Variants in ADAM22 observed in about 807,000 individuals in gnomAD.
ADAM22 encodes disintegrin and metalloproteinase domain-containing protein 22.
A neutral mutation model predicts 144.6 loss-of-function variants in ADAM22; 65 were observed. The ratio of observed to expected loss-of-function variants is 0.45; its 90% CI spans 0.37 to 0.55. The LOEUF is 0.55. ADAM22 is among the 20% of genes least tolerant of loss of function. The probability of loss-of-function intolerance (pLI) is 0.00; values close to 1 mark genes in which losing one functional copy is unlikely to be tolerated. For missense variants in ADAM22, 974 were observed against 1,184.9 expected, an observed-to-expected ratio of 0.82 and a Z score of 2.61; for synonymous variants, 391 against 412.6, an observed-to-expected ratio of 0.95 and a Z score of 0.63.
Position 87,934,564 on chromosome 7 carries a change from C to T in ADAM22, c.85+14C>T, listed in dbSNP as rs756394824. The stretch of plus-strand genomic sequence containing the variant: ...GCGGCCAGGCAGGTAAGTTAGCCGT[C>T]CTCTGTGCCTTTGGGCCATACCATT... On this transcript the variant is annotated intron_variant, in intron 1 of 31. Coordinates refer to ENST00000413139, the MANE Select transcript of ADAM22 (RefSeq NM_001324418.2). 1.9e-6 allele frequency: 3 copies of T among 1,602,204 alleles called. No individual in the cohort carries two copies. Among genetic ancestry groups the T allele is most frequent in the African/African-American group, 1.3e-5 (1 of 74,838 alleles).
Position 88,165,971 on chromosome 7 carries a change from A to T in ADAM22, c.2191+25A>T, listed in dbSNP as rs564828035. The stretch of plus-strand genomic sequence containing the variant: ...GGTAAGTACTTAATTTGGTAACATT[A>T]TGTAGTCTTTATACACAAAGAGAAA... On this transcript the variant is annotated intron_variant, in intron 24 of 31. Transcript: ENST00000413139. 8.4e-6 allele frequency: 13 copies of T among 1,551,588 alleles called. No individual in the cohort carries two copies. The South Asian group carries it at 1.5e-4, about 18-fold the overall frequency.
At chr7:88,111,824 T>C (rs1447937494) in intron 5 of ADAM22, among the ~76,000 whole-genome samples, 2 of 152,192 alleles carry the variant, frequency 1.3e-5, no homozygotes, top group African/African-American at 2.4e-5. Context: ...GAATTAATAA[T>C]GGCATATTAT....
At chr7:88,078,510 G>A (rs1359238548) in intron 4 of ADAM22, among the ~76,000 whole-genome samples, 2 of 152,252 alleles carry the variant, frequency 1.3e-5, no homozygotes, top group African/African-American at 4.8e-5. Context: ...TGACTTTGAC[G>A]AGTTGAGAGA....
In ADAM22 at chr7:88,061,825, T is replaced by TTC. The variant is rs1280406569; in HGVS notation, c.324-13787_324-13786dup. Among the ~76,000 whole-genome samples the TTC allele has an allele frequency of 9.7e-4, 146 of 149,980 alleles. 2 individuals carry two copies. Among genetic ancestry groups the TTC allele is most frequent in the South Asian group, 6.3e-3 (30 of 4,728 alleles). On this transcript the variant is annotated intron_variant, in intron 3 of 31. Transcript: ENST00000413139. ...ACAAAAGAGTCAGCCTTCTCTTTCT[T>TTC]TCTCTCTCTCTCTCTTTTTTTTTTT...
At chr7:87,990,343 A>G (rs764011680) in intron 3 of ADAM22, among the ~76,000 whole-genome samples, 18 of 152,232 alleles carry the variant, frequency 1.2e-4, no homozygotes, top group Non-Finnish European at 2.5e-4. Context: ...ACCTTTGCTC[A>G]TTTTATGTTT....
intron 30 of ADAM22, 118 bp downstream of exon 30, chr7:88,186,819 G>T: frequency 9.4e-6 from 6 of 640,450 alleles, no homozygotes; most frequent in South Asian, 8.1e-5. Flanking sequence ...GGTGGAAAGG[G>T]GTCCTTGTTT....
chr7:88,028,639 T>C (rs1382409813), intron 3 of ADAM22, among the ~76,000 whole-genome samples: 3 of 152,102 alleles, frequency 2.0e-5, no homozygotes, highest in Non-Finnish European at 4.4e-5. Flanking sequence ...CTAATATATA[T>C]TTCTTAATAT....
intron 8 of ADAM22, among the ~76,000 whole-genome samples, chr7:88,127,096 G>GTATA (rs3831544): frequency 4.7e-5 from 7 of 149,536 alleles, no homozygotes; most frequent in Non-Finnish European, 1.0e-4. Context: ...ATATGTGTGT[G>GTATA]TATATATATA....
Position 88,019,184 on chromosome 7 carries a change from G to A in ADAM22, c.323+40772G>A, listed in dbSNP as rs373323497. On this transcript the variant is annotated intron_variant, in intron 3 of 31. Transcript: ENST00000413139. The stretch of plus-strand genomic sequence containing the variant: ...ATCCATTAGCCCTTCTGAAAATTTA[G>A]CATGCTAGGCCAGGTGTCATGGCTC... Among the ~76,000 whole-genome samples, 4 of 152,186 alleles carry A rather than the reference G, an allele frequency of 2.6e-5. No individual in the cohort carries two copies. The East Asian group carries it at 7.7e-4, about 29-fold the overall frequency.
At position 88,072,881 on chromosome 7, in the gene ADAM22, G is replaced by T. The variant is rs181094796; in HGVS notation, c.324-2745G>T. 7.9e-5 allele frequency among the ~76,000 whole-genome samples: 12 copies of T among 152,274 alleles called. No homozygotes were observed. The East Asian group carries it at 2.1e-3, about 27-fold the overall frequency. On this transcript the variant is annotated intron_variant, in intron 3 of 31. Coordinates refer to ENST00000413139, the MANE Select transcript of ADAM22 (RefSeq NM_001324418.2). The stretch of plus-strand genomic sequence containing the variant: ...TATCTCTCCTGTTTTGGGTAAACAG[G>T]GTGTGATGTGGATGCTGGAGCAATT...
intron 2 of ADAM22, among the ~76,000 whole-genome samples, chr7:87,948,180 A>G (rs1844181868): frequency 1.3e-5 from 2 of 151,082 alleles, no homozygotes; most frequent in Non-Finnish European, 3.0e-5. Flanking sequence ...ATTTCCCCCC[A>G]CTCTATTTCT....
chr7:88,098,624 A>G (rs1437531101), intron 4 of ADAM22, among the ~76,000 whole-genome samples: 5 of 152,056 alleles, frequency 3.3e-5, no homozygotes, highest in Non-Finnish European at 7.4e-5. Flanking sequence ...TGGCCCCTAT[A>G]TTTTATGGTG....
intron 3 of ADAM22, among the ~76,000 whole-genome samples, chr7:88,042,127 A>T (rs73202335): frequency 0.04 from 6,015 of 152,034 alleles, 207 homozygotes; most frequent in Non-Finnish European, 0.059. Flanking sequence ...CTCCAATCTA[A>T]GAAGAAAGTT....
At chr7:88,011,685 A>G (rs931894470) in intron 3 of ADAM22, among the ~76,000 whole-genome samples, 2 of 151,876 alleles carry the variant, frequency 1.3e-5, no homozygotes, top group African/African-American at 4.8e-5. Flanking sequence ...GTAACCCTTC[A>G]TCTCACTCTG....
chr7:88,193,261 G>T (rs375475706), intron 31 of ADAM22, 22 bp downstream of exon 31: 15 of 1,611,200 alleles, frequency 9.3e-6, no homozygotes, highest in African/African-American at 2.7e-5. Flanking sequence ...CCTCTTCCAT[G>T]TGCGTACATG....
intron 3 of ADAM22, among the ~76,000 whole-genome samples, chr7:87,978,880 C>G (rs1852564781): frequency 6.6e-6 from 1 of 152,130 alleles, no homozygotes; most frequent in African/African-American, 2.4e-5. Flanking sequence ...TGTGAGGTTT[C>G]TGGTACTGGG....
chr7:87,975,225 G>A (rs763172001), intron 2 of ADAM22, among the ~76,000 whole-genome samples: 1 of 151,992 alleles, frequency 6.6e-6, no homozygotes. Flanking sequence ...GGTCATTCTC[G>A]ACAGCATTTC....
intron 3 of ADAM22, among the ~76,000 whole-genome samples, chr7:88,060,192 G>C (rs946298472): frequency 6.6e-6 from 1 of 152,156 alleles, no homozygotes; most frequent in Non-Finnish European, 1.5e-5. Context: ...GTTGATGGCT[G>C]CTGACTGATC....
intron 4 of ADAM22, among the ~76,000 whole-genome samples, chr7:88,101,402 G>T (rs1462223763): frequency 6.6e-6 from 1 of 152,102 alleles, no homozygotes; most frequent in East Asian, 1.9e-4. Flanking sequence ...CGGGTGTTTG[G>T]ATCTGGAGGT....
Sources: gnomAD v4.1 joint callset for allele counts (sites outside exome capture counted in the v4.1 genomes callset) on GRCh38, gnomAD v4.1.1 for gene constraint, MANE v1.5 for transcripts, NCBI Gene and HGNC (gene_info 2026-07-23, HGNC 2026-07-21) for gene names.